ATXN2: variants seen among roughly 807,000 people sequenced by gnomAD.
ATXN2 encodes ataxin-2.
ATXN2 carries 37 observed loss-of-function variants against 138.6 expected under a neutral mutation model. The ratio of observed to expected loss-of-function variants is 0.27; its 90% CI spans 0.21 to 0.35. The LOEUF (loss-of-function observed/expected upper bound fraction) is 0.35, where lower values mean the gene tolerates loss of function less well. ATXN2 is among the 10% of genes least tolerant of loss of function. The probability of loss-of-function intolerance (pLI) is 1.00; values close to 1 mark genes in which losing one functional copy is unlikely to be tolerated. For synonymous variants in ATXN2, 549 were observed against 543.7 expected, an observed-to-expected ratio of 1.01 and a Z score of -0.13; for missense variants, 1,216 against 1,480.3, an observed-to-expected ratio of 0.82 and a Z score of 2.93.
chr12:111,564,912 G>A (rs897080675), intron 1 of ATXN2: 1 of 152,104 alleles, frequency 6.6e-6, no homozygotes, highest in African/African-American at 2.4e-5. Context: ...TTGTAGAGAT[G>A]GGGTCGCACT....
At chr12:111,471,611 A>G (rs969113018) in intron 18 of ATXN2, 1 of 152,206 alleles carries the variant, frequency 6.6e-6, no homozygotes, top group African/African-American at 2.4e-5. Flanking sequence ...TTATATAATT[A>G]ACTGCAAATT....
intron 5 of ATXN2, among the ~76,000 whole-genome samples, chr12:111,537,664 ACAATAAAT>A (rs1055733182): frequency 6.6e-6 from 1 of 152,178 alleles, no homozygotes; most frequent in Admixed American, 6.5e-5. Flanking sequence ...ACCTATGAAG[ACAATAAAT>A]CAATAGTTGC....
At chr12:111,479,868 A>G (rs1306384024) in intron 18 of ATXN2, among the ~76,000 whole-genome samples, 1 of 151,532 alleles carries the variant, frequency 6.6e-6, no homozygotes, top group African/African-American at 2.4e-5. Context: ...AAAAAAAAAA[A>G]AAATCTAGGG....
At chr12:111,572,401 CA>C (rs11449224) in intron 1 of ATXN2, among the ~76,000 whole-genome samples, 21 of 136,730 alleles carry the variant, frequency 1.5e-4, no homozygotes, top group East Asian at 4.2e-4. Flanking sequence ...AACTCCATCT[CA>C]AAAAAAAAAA....
intron 5 of ATXN2, among the ~76,000 whole-genome samples, chr12:111,543,708 T>C (rs1374995691): frequency 6.6e-6 from 1 of 152,236 alleles, no homozygotes; most frequent in Non-Finnish European, 1.5e-5. Context: ...CGTGCTTTGC[T>C]ATCTCTAACT....
chr12:111,500,261 A>G (rs553628623), intron 14 of ATXN2, among the ~76,000 whole-genome samples: 2 of 152,346 alleles, frequency 1.3e-5, no homozygotes, highest in African/African-American at 4.8e-5. Context: ...ATATATACAC[A>G]ATAGATTACC....
intron 1 of ATXN2, among the ~76,000 whole-genome samples, chr12:111,584,782 A>G (rs1286368821): frequency 6.6e-6 from 1 of 151,922 alleles, no homozygotes; most frequent in Non-Finnish European, 1.5e-5. Context: ...CCTGACCAAC[A>G]TGGAGAAACC....
intron 21 of ATXN2, among the ~76,000 whole-genome samples, chr12:111,462,069 G>C (rs1197053401): frequency 6.6e-6 from 1 of 152,036 alleles, no homozygotes; most frequent in African/African-American, 2.4e-5. Context: ...TGCTCATTCT[G>C]GCTAAAGATC....
rs531635756 is a variant in ATXN2, at chr12:111,532,318, G to A, written c.572-7002C>T. ...AATATGGTGAAACCCCTTCTCTACT[G>A]AAAATACAAACATTAGCTAGGCGTG... On this transcript the variant is annotated intron_variant, in intron 5 of 24. Transcript: ENST00000673436. Among the ~76,000 whole-genome samples the A allele has an allele frequency of 1.3e-4, 20 of 151,438 alleles. No homozygotes were observed. In the East Asian group the frequency reaches 3.3e-3, roughly 25 times the overall value.
intron 15 of ATXN2, 48 bp downstream of exon 15, chr12:111,488,428 A>G (rs180994432): frequency 1.7e-5 from 27 of 1,552,538 alleles, no homozygotes; most frequent in Non-Finnish European, 2.1e-5. Flanking sequence ...TTTAAAAAAA[A>G]AAAAGTTAAT....
At chr12:111,597,823 G>T (rs745653435) in intron 1 of ATXN2, 1 of 1,263,556 alleles carries the variant, frequency 7.9e-7, no homozygotes, top group East Asian at 5.6e-5. Flanking sequence ...ATTGGGGCGG[G>T]GGTTGGGATA....
At chr12:111,466,144 TG>T in intron 20 of ATXN2, among the ~76,000 whole-genome samples, 1 of 122,428 alleles carries the variant, frequency 8.2e-6, no homozygotes, top group African/African-American at 3.0e-5. Context: ...CCAGCCTGGG[TG>T]GCAGAGGGAG....
At chr12:111,497,132 A>T (rs1484541961) in intron 14 of ATXN2, among the ~76,000 whole-genome samples, 1 of 152,184 alleles carries the variant, frequency 6.6e-6, no homozygotes, top group Non-Finnish European at 1.5e-5. Context: ...AAATTCCTAG[A>T]CACATACAAC....
At chr12:111,514,457 C>T (rs2135734913) in intron 10 of ATXN2, among the ~76,000 whole-genome samples, 1 of 152,326 alleles carries the variant, frequency 6.6e-6, no homozygotes, top group Admixed American at 6.5e-5. Flanking sequence ...CAAATCTCCT[C>T]ACTCTCTCAC....
At position 111,552,473 on chromosome 12, in the gene ATXN2, A is replaced by C; in HGVS notation, c.421-43T>G. On this transcript the variant is annotated intron_variant, in intron 4 of 24. Transcript: ENST00000673436. This position sits in a 1 kb window ranked among gnomAD's most constrained non-coding sequence, Gnocchi z 4.1. Reference sequence around the variant, plus strand: ...AGTAAGTACTCCAAACCTTTACAAAATAAAATTTGTTAGGAATTCTTTAGC... The same window carrying C: ...AGTAAGTACTCCAAACCTTTACAAACTAAAATTTGTTAGGAATTCTTTAGC... 1 of 1,557,568 alleles carries C rather than the reference A, an allele frequency of 6.4e-7. No homozygotes were observed. Among genetic ancestry groups the C allele is most frequent in the African/African-American group, 1.4e-5 (1 of 71,452 alleles).
chr12:111,563,813 C>T (rs562005406), intron 1 of ATXN2, among the ~76,000 whole-genome samples: 10 of 152,200 alleles, frequency 6.6e-5, no homozygotes, highest in Middle Eastern at 3.4e-3. Flanking sequence ...ATACTTAATC[C>T]TACTCAGCCT....
At position 111,552,184 on chromosome 12, in the gene ATXN2, A is replaced by G. The variant is rs1023350769; in HGVS notation, c.571+96T>C. On this transcript the variant is annotated intron_variant, in intron 5 of 24. Transcript: ENST00000673436. This position sits in a 1 kb window ranked among gnomAD's most constrained non-coding sequence, Gnocchi z 4.1. ...GAATGAGCCGCCATACCCAGCCCAG[A>G]TATTTCTTTAAAAAAAGTTTGTAAG... is the stretch of plus-strand genomic sequence containing the variant. The G allele has an allele frequency of 2.2e-6, 3 of 1,335,062 alleles. No individual in the cohort carries two copies. Among genetic ancestry groups the G allele is most frequent in the Middle Eastern group, 4.2e-4 (2 of 4,790 alleles). 82.7% of individuals were successfully genotyped at this position (1,335,062 alleles called of 1,614,324 possible). A position where few individuals can be genotyped will look rare whatever the true frequency, so the allele number is the denominator to read the frequency against.
rs376385965 is a variant in ATXN2 at position 111,481,599 on chromosome 12, GCAGTTCCATCA to G, written c.2524+3655_2524+3665del. ...GATGCAGCTGCTTTGGAAAAGTTTG[GCAGTTCCATCA>G]CAGCATTTCTACTTTAGGAGAAATG... On this transcript the variant is annotated intron_variant, in intron 18 of 24. Transcript: ENST00000673436. Among the ~76,000 whole-genome samples the G allele has an allele frequency of 4.7e-4, 71 of 152,224 alleles. 1 individual carries two copies. In the East Asian group the frequency reaches 0.011, roughly 24 times the overall value.
intron 5 of ATXN2, among the ~76,000 whole-genome samples, chr12:111,545,332 C>T (rs1161901851): frequency 1.3e-5 from 2 of 151,466 alleles, no homozygotes; most frequent in African/African-American, 4.9e-5. Flanking sequence ...CGTGGTGGCT[C>T]ACGCCTGTAA....
Sources: gnomAD v4.1 joint callset for allele counts (sites outside exome capture counted in the v4.1 genomes callset) on GRCh38, gnomAD v4.1.1 for gene constraint, Gnocchi (gnomAD v3.1) non-coding constraint, MANE v1.5 for transcripts, NCBI Gene and HGNC (gene_info 2026-07-23, HGNC 2026-07-21) for gene names.